The following NLGN4Y variants were observed in gnomAD, a reference collection of about 807,000 sequenced individuals.
NLGN4Y encodes neuroligin 4 Y-linked.
NLGN4Y carries 4 observed loss-of-function variants against 8.4 expected under a neutral mutation model. The ratio of observed to expected loss-of-function variants is 0.48; its 90% CI spans 0.23 to 1.09. The LOEUF (loss-of-function observed/expected upper bound fraction) is 1.09. NLGN4Y is among the 50% of genes least tolerant of loss of function. The pLI is 0.19. For synonymous variants in NLGN4Y, 35 were observed against 75.6 expected, an observed-to-expected ratio of 0.46 and a Z score of 2.78; for missense variants, 90 against 192.3, an observed-to-expected ratio of 0.47 and a Z score of 3.15.
chrY:14,653,781 C>T, intron 2 of NLGN4Y, among the ~76,000 whole-genome samples: 1 of 33,650 alleles, frequency 3.0e-5, no homozygotes, highest in African/African-American at 1.2e-4. Context: ...AACTCCTTAC[C>T]TCAGGTGATC....
chrY:14,535,643 CG>C (rs2080129921), intron 1 of NLGN4Y, among the ~76,000 whole-genome samples: 1 of 2,642 alleles, frequency 3.8e-4, no homozygotes, highest in Non-Finnish European at 7.9e-4. Flanking sequence ...AAGGGATTGG[CG>C]GGGCGGGGGT....
intron 4 of NLGN4Y, among the ~76,000 whole-genome samples, chrY:14,732,236 A>G (rs111827395): frequency 8.5e-3 from 281 of 33,044 alleles, no homozygotes; most frequent in African/African-American, 0.031. Context: ...AGTCCCAACA[A>G]CTGGGTAGTG....
intron 2 of NLGN4Y, among the ~76,000 whole-genome samples, chrY:14,655,845 C>A: frequency 3.0e-5 from 1 of 33,388 alleles, no homozygotes; most frequent in Non-Finnish European, 7.4e-5. Context: ...TATCCAATGG[C>A]CAGTCAAAAG....
intron 4 of NLGN4Y, among the ~76,000 whole-genome samples, chrY:14,738,951 A>G (rs1004655620): frequency 4.3e-4 from 14 of 32,799 alleles, no homozygotes; most frequent in Non-Finnish European, 9.0e-4. Flanking sequence ...AACCAACCAC[A>G]TTGTCAGAAA....
At chrY:14,594,662 A>G in intron 1 of NLGN4Y, among the ~76,000 whole-genome samples, 1 of 33,418 alleles carries the variant, frequency 3.0e-5, no homozygotes, top group Non-Finnish European at 7.4e-5. Flanking sequence ...CATATCTTTT[A>G]GAATCAATTG....
chrY:14,645,363 G>A (rs2080606883), intron 2 of NLGN4Y, among the ~76,000 whole-genome samples: 1 of 28,238 alleles, frequency 3.5e-5, no homozygotes, highest in Non-Finnish European at 8.3e-5. Flanking sequence ...TAGTAGAGAC[G>A]GGGTTTCTCC....
chrY:14,663,710 T>C (rs2080683059), intron 2 of NLGN4Y, among the ~76,000 whole-genome samples: 1 of 31,776 alleles, frequency 3.1e-5, no homozygotes, highest in Non-Finnish European at 7.6e-5. Context: ...CTCAAGAAGC[T>C]GAAGCAGGAG....
intron 1 of NLGN4Y, among the ~76,000 whole-genome samples, chrY:14,538,480 GA>G (rs2080139707): frequency 2.9e-5 from 1 of 34,040 alleles, no homozygotes. Flanking sequence ...AGAAAGCAAA[GA>G]AAGACATGTC....
intron 1 of NLGN4Y, among the ~76,000 whole-genome samples, chrY:14,591,453 G>A: frequency 3.0e-5 from 1 of 33,079 alleles, no homozygotes; most frequent in African/African-American, 1.2e-4. Context: ...AAGAGGGGAT[G>A]AGAAGGCATT....
chrY:14,709,995 A>T (rs2080894929), intron 2 of NLGN4Y, among the ~76,000 whole-genome samples: 1 of 33,998 alleles, frequency 2.9e-5, no homozygotes, highest in East Asian at 7.6e-4. Context: ...ATCCTTTTTT[A>T]AAAAAGCAGA....
At chrY:14,738,871 C>T in intron 4 of NLGN4Y, among the ~76,000 whole-genome samples, 3 of 32,257 alleles carry the variant, frequency 9.3e-5, no homozygotes, top group African/African-American at 2.4e-4. Flanking sequence ...GGGATGCTAA[C>T]TTTGCTAATA....
At chrY:14,687,429 G>T (rs2080795492) in intron 2 of NLGN4Y, among the ~76,000 whole-genome samples, 1 of 31,998 alleles carries the variant, frequency 3.1e-5, no homozygotes. Context: ...TAAAGGAGAG[G>T]TTTAATAGTC....
chrY:14,691,834 GTCTTA>G (rs2080810947), intron 2 of NLGN4Y, among the ~76,000 whole-genome samples: 1 of 32,705 alleles, frequency 3.1e-5, no homozygotes, highest in South Asian at 6.8e-4. Flanking sequence ...TACTAATTAG[GTCTTA>G]TCTTGTGATG....
chrY:14,826,897 AG>A (rs2043149194), intron 5 of NLGN4Y, among the ~76,000 whole-genome samples: 3 of 33,436 alleles, frequency 9.0e-5, no homozygotes, highest in East Asian at 1.5e-3. Context: ...TGGGTGGCAG[AG>A]AGAGACCCTG....
chrY:14,726,905 C>T (rs2080956758), intron 4 of NLGN4Y, among the ~76,000 whole-genome samples: 1 of 32,413 alleles, frequency 3.1e-5, no homozygotes, highest in East Asian at 8.2e-4. Flanking sequence ...GACAATATGA[C>T]AAAACTCCAT....
intron 4 of NLGN4Y, among the ~76,000 whole-genome samples, chrY:14,756,890 TATA>T (rs2081062143): frequency 6.6e-5 from 1 of 15,039 alleles, no homozygotes; most frequent in African/African-American, 2.7e-4. Context: ...TATATATATA[TATA>T]TATATATATA....
At chrY:14,640,986 A>G (rs2080588158) in intron 2 of NLGN4Y, among the ~76,000 whole-genome samples, 2 of 33,842 alleles carry the variant, frequency 5.9e-5, no homozygotes, top group African/African-American at 1.2e-4. Context: ...GTACATGTTG[A>G]AAATTGATTT....
At chrY:14,532,680 G>A in intron 1 of NLGN4Y, among the ~76,000 whole-genome samples, 1 of 33,230 alleles carries the variant, frequency 3.0e-5, no homozygotes, top group Non-Finnish European at 7.4e-5. Flanking sequence ...ATGTTCACAA[G>A]AACGTTGTTA....
intron 1 of NLGN4Y, among the ~76,000 whole-genome samples, chrY:14,576,547 C>T (rs2080299917): frequency 3.0e-5 from 1 of 32,920 alleles, no homozygotes; most frequent in African/African-American, 1.2e-4. Context: ...CCAGGTGAGG[C>T]GATGCCTCAC....
Sources: allele counts gnomAD v4.1 joint callset (sites outside exome capture counted in the v4.1 genomes callset), GRCh38; gene constraint gnomAD v4.1.1; transcripts MANE v1.5; gene names NCBI Gene and HGNC (gene_info 2026-07-23, HGNC 2026-07-21).